The following DIAPH2 variants were observed in gnomAD, a reference collection of about 807,000 sequenced individuals.
The protein encoded by DIAPH2 is protein diaphanous homolog 2.
A neutral mutation model predicts 92.7 loss-of-function variants in DIAPH2; 35 were observed. The observed-to-expected ratio is 0.38, with a 90% CI of 0.29 to 0.50. The LOEUF (loss-of-function observed/expected upper bound fraction) is 0.50, where lower values mean the gene tolerates loss of function less well. Ranked by LOEUF, DIAPH2 falls within the 20% of genes least tolerant of loss-of-function variation. The pLI is 0.94. For synonymous variants in DIAPH2, 301 were observed against 280.4 expected, an observed-to-expected ratio of 1.07 and a Z score of -0.73; for missense variants, 701 against 819.5, an observed-to-expected ratio of 0.86 and a Z score of 1.77.
At chrX:97,566,816 C>T (rs140950992) in intron 26 of DIAPH2, among the ~76,000 whole-genome samples, 5 of 110,365 alleles carry the variant, frequency 4.5e-5, no homozygotes, top group African/African-American at 1.3e-4. Flanking sequence ...AAGGTGGTGC[C>T]GTTAGGTGAC....
At chrX:96,899,327 A>G (rs2065374312) in intron 5 of DIAPH2, among the ~76,000 whole-genome samples, 1 of 110,064 alleles carries the variant, frequency 9.1e-6, no homozygotes, top group Non-Finnish European at 1.9e-5. Context: ...CAGTATGGCC[A>G]TTTTCACGAT....
At chrX:97,385,896 A>G (rs139466769) in intron 25 of DIAPH2, among the ~76,000 whole-genome samples, 399 of 112,388 alleles carry the variant, frequency 3.6e-3, no homozygotes, top group African/African-American at 0.012. Flanking sequence ...GAAGTTAAGT[A>G]ACTTGCCCAA....
Position 97,482,660 on chromosome X carries a change from GAA to G in DIAPH2, c.3241+52929_3241+52930del, listed in dbSNP as rs397932731. 6.8e-3 allele frequency among the ~76,000 whole-genome samples: 581 copies of G among 85,528 alleles called. 2 individuals carry two copies. The highest frequency in any genetic ancestry group is 0.023 in the African/African-American group (551 of 24,013). The allele number at this position is 85,528 out of a possible 115,157, so 74.3% of individuals were successfully genotyped here. On this transcript the variant is annotated intron_variant, in intron 26 of 26. Coordinates refer to ENST00000324765, the MANE Select transcript of DIAPH2 (RefSeq NM_006729.5). The stretch of plus-strand genomic sequence containing the variant: ...AAGGAAAAGAGGAGGGGACCAAAAA[GAA>G]AAAAAAAAAAAAAGATTTGCATTAC...
chrX:97,236,459 C>G (rs979387595), intron 22 of DIAPH2, among the ~76,000 whole-genome samples: 4 of 110,100 alleles, frequency 3.6e-5, no homozygotes, highest in Non-Finnish European at 7.6e-5. Flanking sequence ...TCTGTATGAT[C>G]TTTTCACAAC....
chrX:96,705,601 C>T (rs2063881128), intron 1 of DIAPH2, among the ~76,000 whole-genome samples: 1 of 111,235 alleles, frequency 9.0e-6, no homozygotes, highest in Admixed American at 9.5e-5. Flanking sequence ...TTTAGAAGAC[C>T]ACCTTATATT....
intron 23 of DIAPH2, among the ~76,000 whole-genome samples, chrX:97,317,708 C>T (rs1013862506): frequency 2.7e-5 from 3 of 112,175 alleles, no homozygotes; most frequent in African/African-American, 9.7e-5. Context: ...AATGCCACTA[C>T]TCTTCAAATG....
At chrX:97,160,775 AAT>A (rs1477379246) in intron 22 of DIAPH2, among the ~76,000 whole-genome samples, 1 of 111,752 alleles carries the variant, frequency 8.9e-6, no homozygotes, top group Non-Finnish European at 1.9e-5. Context: ...AAATGTTAAT[AAT>A]TTATAATTTT....
chrX:97,509,194 G>C (rs2070862229), intron 26 of DIAPH2, among the ~76,000 whole-genome samples: 1 of 108,472 alleles, frequency 9.2e-6, no homozygotes, highest in African/African-American at 3.3e-5. Context: ...TTACAGATGT[G>C]CACCACCATG....
chrX:97,536,595 TG>T (rs2071097922), intron 26 of DIAPH2, among the ~76,000 whole-genome samples: 1 of 112,093 alleles, frequency 8.9e-6, no homozygotes, highest in Non-Finnish European at 1.9e-5. Context: ...TAGAAATACC[TG>T]TTTGTAGAAT....
chrX:96,924,402 TG>T (rs1382251478), intron 9 of DIAPH2, among the ~76,000 whole-genome samples: 2 of 111,854 alleles, frequency 1.8e-5, no homozygotes, highest in African/African-American at 6.5e-5. Context: ...ATTTTAAATC[TG>T]TTTCAACACT....
intron 24 of DIAPH2, among the ~76,000 whole-genome samples, chrX:97,368,766 G>A (rs1472966684): frequency 9.0e-6 from 1 of 111,250 alleles, no homozygotes; most frequent in Non-Finnish European, 1.9e-5. Flanking sequence ...AATCAGCATT[G>A]TCTTCATTAA....
At chrX:96,740,350 CAA>C (rs751632845) in intron 3 of DIAPH2, among the ~76,000 whole-genome samples, 3 of 112,225 alleles carry the variant, frequency 2.7e-5, no homozygotes, top group Non-Finnish European at 5.6e-5. Flanking sequence ...TCACTGAAAA[CAA>C]TGATGACAGC....
chrX:97,402,179 A>G (rs773437254), intron 25 of DIAPH2, among the ~76,000 whole-genome samples: 16 of 106,551 alleles, frequency 1.5e-4, no homozygotes, highest in Non-Finnish European at 3.1e-4. Flanking sequence ...AATAAACTCA[A>G]CAAGTGATAA....
chrX:97,093,869 T>C (rs1004093327), intron 19 of DIAPH2, among the ~76,000 whole-genome samples: 3 of 111,878 alleles, frequency 2.7e-5, no homozygotes, highest in African/African-American at 9.8e-5. Context: ...AATAGTTTAA[T>C]TGAATTTAAA....
chrX:97,509,471 CTTTTTTTTTT>C (rs57153955), intron 26 of DIAPH2, among the ~76,000 whole-genome samples: 1 of 6,734 alleles, frequency 1.5e-4, no homozygotes, highest in African/African-American at 6.9e-4. Flanking sequence ...ATTCATGTTG[CTTTTTTTTTT>C]TTTTTTTTTT....
chrX:96,923,769 G>A (rs1050744927), intron 9 of DIAPH2, among the ~76,000 whole-genome samples: 14 of 111,194 alleles, frequency 1.3e-4, no homozygotes, highest in Admixed American at 7.7e-4. Context: ...TTCACAGAGC[G>A]CAGAGGCTAG....
chrX:97,469,021 GAT>G (rs1482152690), intron 26 of DIAPH2, among the ~76,000 whole-genome samples: 1 of 112,056 alleles, frequency 8.9e-6, no homozygotes, highest in East Asian at 2.8e-4. Context: ...ATTAGCACCA[GAT>G]TCAGCTACAG....
intron 4 of DIAPH2, among the ~76,000 whole-genome samples, chrX:96,831,331 C>T (rs143489088): frequency 0.013 from 1,409 of 111,746 alleles, 21 homozygotes; most frequent in African/African-American, 0.044. Context: ...TCTATGTTTA[C>T]GTATTATCTG....
intron 22 of DIAPH2, among the ~76,000 whole-genome samples, chrX:97,245,831 T>G (rs917203892): frequency 3.6e-5 from 4 of 111,453 alleles, no homozygotes; most frequent in Non-Finnish European, 5.6e-5. Context: ...TATTTTTGGG[T>G]AATGTGCCCT....
Sources: gnomAD v4.1 joint callset for allele counts (sites outside exome capture counted in the v4.1 genomes callset) on GRCh38, gnomAD v4.1.1 for gene constraint, MANE v1.5 for transcripts, NCBI Gene and HGNC (gene_info 2026-07-23, HGNC 2026-07-21) for gene names.